ZNF280D: variants seen among roughly 807,000 people sequenced by gnomAD.
The protein encoded by ZNF280D is suppressor of hairy wing homolog 4.
Under a neutral mutation model 94.7 loss-of-function variants are expected in ZNF280D, and 39 were observed. That is an observed-to-expected ratio of 0.41 (90% CI 0.32 to 0.54). ZNF280D has a LOEUF of 0.54. Ranked by LOEUF, ZNF280D falls within the 20% of genes least tolerant of loss-of-function variation. The probability of loss-of-function intolerance (pLI) is 0.22; values close to 1 mark genes in which losing one functional copy is unlikely to be tolerated. For synonymous variants in ZNF280D, 398 were observed against 377.6 expected (o/e 1.05, Z -0.63); for missense variants, 1,090 against 1,149.3 (o/e 0.95, Z 0.75).
At chr15:56,725,820 A>T (rs560941136) in intron 1 of ZNF280D, among the ~76,000 whole-genome samples, 9 of 152,190 alleles carry the variant, frequency 5.9e-5, no homozygotes, top group Non-Finnish European at 7.4e-5. Context: ...AGGTGATTAA[A>T]AAAAAAAACT....
At chr15:56,680,919 A>G (rs926402767) in intron 10 of ZNF280D, among the ~76,000 whole-genome samples, 1 of 152,180 alleles carries the variant, frequency 6.6e-6, no homozygotes, top group Non-Finnish European at 1.5e-5. Context: ...ATTTACTAAC[A>G]TGATTTCCCG....
In ZNF280D at chr15:56,666,755, T is replaced by C. The variant is rs2054319309; in HGVS notation, c.1777A>G (p.Asn593Asp). Residue 593 changes from asparagine to aspartate, a missense_variant, in exon 15 of 22, where the codon AAT (asparagine) becomes GAT (aspartate). Transcript: ENST00000267807. ...AATGTGCTTTGTTTCTTTTGCATAT[T>C]AGAGATTTTTGGTTTGTATTTAGAT... ...SKSKYKPKISNMQKKQSTLAS... is the reference protein window; with the variant it reads ...SKSKYKPKISDMQKKQSTLAS... 6.2e-7 allele frequency: 1 copy of C among 1,613,720 alleles called. No individual in the cohort carries two copies. Among genetic ancestry groups the C allele is most frequent in the Admixed American group, 1.7e-5 (1 of 59,948 alleles).
At chr15:56,638,611 A>T (rs1351637348) in intron 20 of ZNF280D, among the ~76,000 whole-genome samples, 1 of 152,192 alleles carries the variant, frequency 6.6e-6, no homozygotes, top group African/African-American at 2.4e-5. Context: ...AGAAATATGC[A>T]AAAGTGTAAA....
chr15:56,678,899 T>TA (rs2055429832), intron 10 of ZNF280D, 78 bp from the exon 11 acceptor site: 1 of 1,328,406 alleles, frequency 7.5e-7, no homozygotes, highest in Non-Finnish European at 1.0e-6. Flanking sequence ...AATCTGAACC[T>TA]AAATCTTAAA....
intron 1 of ZNF280D, among the ~76,000 whole-genome samples, chr15:56,726,804 T>C (rs1251869196): frequency 2.0e-5 from 3 of 152,242 alleles, no homozygotes; most frequent in African/African-American, 4.8e-5. Flanking sequence ...TTGTAGTCTA[T>C]GTCAGAGAGG....
chr15:56,688,821 C>T, intron 9 of ZNF280D: 2 of 279,300 alleles, frequency 7.2e-6, no homozygotes, highest in South Asian at 1.5e-4. Context: ...AATTAAAATA[C>T]AATAAGCATA....
intron 9 of ZNF280D, among the ~76,000 whole-genome samples, chr15:56,688,549 G>C (rs2056212209): frequency 6.7e-6 from 1 of 150,120 alleles, no homozygotes; most frequent in Non-Finnish European, 1.5e-5. Context: ...ACTATATTCT[G>C]GACTGAGTTA....
chr15:56,663,281 CAAA>C (rs59183252), intron 16 of ZNF280D, among the ~76,000 whole-genome samples: 3 of 102,486 alleles, frequency 2.9e-5, no homozygotes, highest in African/African-American at 7.8e-5. Flanking sequence ...GACCCTTTCT[CAAA>C]AAAAAAAAAA....
rs2054330536 is a variant in ZNF280D at position 56,666,933 on chromosome 15, A to G, written c.1599T>C (p.Pro533=). ...GPLQSGASPT[P]SISASASTLQ... Reference sequence around the variant, plus strand: ...GGGTAGAAGCACTTGCACTAATGGAAGGTGTAGGTGAAGCTCCTGATTGCA... The same window carrying G: ...GGGTAGAAGCACTTGCACTAATGGAGGGTGTAGGTGAAGCTCCTGATTGCA... Residue 533 remains proline, a synonymous_variant, in exon 15 of 22, where the codon CCT becomes CCC. Coordinates refer to ENST00000267807, the MANE Select transcript of ZNF280D (RefSeq NM_017661.4). 1 of 1,612,560 alleles carries G rather than the reference A, an allele frequency of 6.2e-7. No individual in the cohort carries two copies. Among genetic ancestry groups the G allele is most frequent in the Admixed American group, 1.7e-5 (1 of 59,722 alleles).
intron 13 of ZNF280D, among the ~76,000 whole-genome samples, chr15:56,673,872 T>C (rs2414480): frequency 0.49 from 74,773 of 151,874 alleles, 19,903 homozygotes; most frequent in East Asian, 0.61. Flanking sequence ...TGTTTGAACA[T>C]TCTTTATACA....
chr15:56,649,179 T>G (rs2053068738), intron 19 of ZNF280D, among the ~76,000 whole-genome samples: 2 of 152,158 alleles, frequency 1.3e-5, no homozygotes, highest in South Asian at 4.1e-4. Flanking sequence ...TATTTTGGTT[T>G]GTTGGTAATA....
chr15:56,652,174 T>C (rs2053245964), intron 19 of ZNF280D, among the ~76,000 whole-genome samples: 1 of 152,146 alleles, frequency 6.6e-6, no homozygotes, highest in Non-Finnish European at 1.5e-5. Context: ...TCAACTCTTT[T>C]GATAATTAAT....
chr15:56,642,994 T>A lies in ZNF280D; in HGVS notation c.2217A>T (p.Leu739Phe). 1.3e-6 allele frequency: 2 copies of A among 1,504,020 alleles called. No individual in the cohort carries two copies. The highest frequency in any genetic ancestry group is 1.8e-6 in the Non-Finnish European group (2 of 1,129,758). The allele number at this position is 1,504,020 out of a possible 1,614,324, so 93.2% of individuals were successfully genotyped here. A position where few individuals can be genotyped will look rare whatever the true frequency, so the allele number is the denominator to read the frequency against. Residue 739 changes from leucine (L) to phenylalanine (F), a missense_variant, in exon 20 of 22, where the codon TTA (leucine) becomes TTT (phenylalanine). Transcript: ENST00000267807. ...CIPTSEHLSE[L>F]KKEAPAKEQE... ...GTTCCTTTGCGGGAGCTTCTTTTTTTAATCTTGAAAACAAGATAAGTATTG... is the reference window on the plus strand; with the variant it reads ...GTTCCTTTGCGGGAGCTTCTTTTTTAAATCTTGAAAACAAGATAAGTATTG...
At chr15:56,643,432 T>C (rs1411065486) in intron 19 of ZNF280D, among the ~76,000 whole-genome samples, 4 of 151,668 alleles carry the variant, frequency 2.6e-5, no homozygotes, top group Non-Finnish European at 5.9e-5. Context: ...ATTTTATCTA[T>C]TGTGAAATTC....
intron 1 of ZNF280D, among the ~76,000 whole-genome samples, chr15:56,709,301 A>T (rs1241530153): frequency 1.3e-5 from 2 of 151,926 alleles, no homozygotes; most frequent in East Asian, 3.9e-4. Context: ...AGCGAAAACC[A>T]CAATGAGATA....
rs1273219633 is a variant in ZNF280D, at chr15:56,631,792, C to T, written c.2646G>A (p.Lys882=). 6.2e-7 allele frequency: 1 copy of T among 1,614,086 alleles called. No homozygotes were observed. Among genetic ancestry groups the T allele is most frequent in the Non-Finnish European group, 8.5e-7 (1 of 1,180,012 alleles). ...CATTATCTGATGCTAATCGCAAATC[C>T]TTAATATTCTTTGAAGAAAATCTGG... The part of the protein sequence containing the change: ...SEARFSSKNI[K]DLRLASDNVS... The change falls in exon 22 of 22, where the codon AAG becomes AAA. Residue 882 remains lysine (K), a synonymous_variant. Transcript: ENST00000267807.
intron 12 of ZNF280D, 106 bp downstream of exon 12, chr15:56,677,468 C>T: frequency 1.4e-6 from 1 of 717,560 alleles, no homozygotes; most frequent in Non-Finnish European, 2.4e-6. Flanking sequence ...TAAGTTATGC[C>T]AAGTTATGCA....
At chr15:56,677,380 T>G (rs1164258402) in intron 12 of ZNF280D, among the ~76,000 whole-genome samples, 194 bp downstream of exon 12, 7 of 152,212 alleles carry the variant, frequency 4.6e-5, no homozygotes, top group Non-Finnish European at 8.8e-5. Context: ...ACAGGACTCA[T>G]CTTTGTCCAG....
At chr15:56,729,062 A>T (rs2058758783) in intron 1 of ZNF280D, among the ~76,000 whole-genome samples, 1 of 152,296 alleles carries the variant, frequency 6.6e-6, no homozygotes, top group East Asian at 1.9e-4. Flanking sequence ...CATTCAGATG[A>T]TGTTGCCCAT....
Sources: allele counts gnomAD v4.1 joint callset (sites outside exome capture counted in the v4.1 genomes callset), GRCh38; gene constraint gnomAD v4.1.1; transcripts MANE v1.5; gene names NCBI Gene and HGNC (gene_info 2026-07-23, HGNC 2026-07-21).